Variants in LOC128462377 observed in about 807,000 individuals in gnomAD.
At chr16:89,374,423 G>A in the LOC128462377 span, among the ~76,000 whole-genome samples, 5 of 151,950 alleles carry the variant, frequency 3.3e-5, no homozygotes, top group African/African-American at 9.7e-5. Context: ...AGAGCTGAAC[G>A]ATACAACAGG....
At chr16:89,320,177 G>A in the LOC128462377 span, 2 of 152,268 alleles carry the variant, frequency 1.3e-5, no homozygotes, top group African/African-American at 2.4e-5. Flanking sequence ...AGTCCTTGAA[G>A]CTGGGAGTCC....
At chr16:89,402,264 A>C in the LOC128462377 span, among the ~76,000 whole-genome samples, 302 of 152,330 alleles carry the variant, frequency 2.0e-3, 4 homozygotes, top group African/African-American at 6.7e-3. Context: ...CACGTGACGT[A>C]CGCCAGTTCT....
the LOC128462377 span, among the ~76,000 whole-genome samples, chr16:89,348,937 C>T: frequency 6.7e-6 from 1 of 149,262 alleles, no homozygotes; most frequent in Non-Finnish European, 1.5e-5. Context: ...AGACCAGCCT[C>T]GTCAACATGG....
the LOC128462377 span, among the ~76,000 whole-genome samples, chr16:89,355,206 A>G: frequency 6.6e-6 from 1 of 152,008 alleles, no homozygotes; most frequent in Non-Finnish European, 1.5e-5. Flanking sequence ...GATGCTCGGG[A>G]GGCGGGCAGA....
the LOC128462377 span, chr16:89,412,338 A>G: frequency 2.5e-5 from 3 of 119,708 alleles, no homozygotes; most frequent in Non-Finnish European, 5.3e-5. Context: ...CCCCTCAGCC[A>G]GGTACTGGGC....
At chr16:89,322,426 A>C in the LOC128462377 span, among the ~76,000 whole-genome samples, 4 of 152,222 alleles carry the variant, frequency 2.6e-5, no homozygotes, top group Admixed American at 2.6e-4. Context: ...TGACCATTTA[A>C]ATATCGAATG....
At chr16:89,376,086 GT>G in the LOC128462377 span, among the ~76,000 whole-genome samples, 1 of 152,204 alleles carries the variant, frequency 6.6e-6, no homozygotes, top group East Asian at 1.9e-4. Context: ...AAATTTTTTT[GT>G]GAAATACCTT....
the LOC128462377 span, among the ~76,000 whole-genome samples, chr16:89,382,125 A>T: frequency 6.6e-6 from 1 of 152,118 alleles, no homozygotes; most frequent in African/African-American, 2.4e-5. Context: ...GCCTCCCAGC[A>T]GCTGGGCACA....
chr16:89,371,527 G>A, the LOC128462377 span, among the ~76,000 whole-genome samples: 1 of 152,178 alleles, frequency 6.6e-6, no homozygotes, highest in African/African-American at 2.4e-5. Context: ...ACCCACAGAT[G>A]AGTTCTCTCA....
At chr16:89,353,612 G>C in the LOC128462377 span, among the ~76,000 whole-genome samples, 128 of 152,080 alleles carry the variant, frequency 8.4e-4, no homozygotes, top group Middle Eastern at 3.4e-3. Flanking sequence ...CTAGTAGCTG[G>C]GATTACAGGC....
At chr16:89,389,746 TGG>T in the LOC128462377 span, among the ~76,000 whole-genome samples, 39 of 148,332 alleles carry the variant, frequency 2.6e-4, no homozygotes, top group Non-Finnish European at 4.7e-4. Flanking sequence ...ACACCGAGTG[TGG>T]CGGGGAGCAC....
At chr16:89,417,265 G>A in the LOC128462377 span, among the ~76,000 whole-genome samples, 27 of 152,324 alleles carry the variant, frequency 1.8e-4, no homozygotes, top group Middle Eastern at 3.4e-3. Context: ...GTTCTTTCAC[G>A]TTTGCTGGGA....
the LOC128462377 span, among the ~76,000 whole-genome samples, chr16:89,388,376 C>T: frequency 2.1e-5 from 3 of 144,498 alleles, no homozygotes; most frequent in Non-Finnish European, 3.0e-5. Context: ...GTGATCTGCC[C>T]GCCTTGGCCT....
the LOC128462377 span, among the ~76,000 whole-genome samples, chr16:89,397,305 T>G: frequency 6.6e-6 from 1 of 152,210 alleles, no homozygotes; most frequent in Non-Finnish European, 1.5e-5. Context: ...GGGCAAGGCC[T>G]CTCACAAGTC....
the LOC128462377 span, among the ~76,000 whole-genome samples, chr16:89,327,081 T>TGGAAATACAGAGGTG: frequency 7.0e-6 from 1 of 142,192 alleles, no homozygotes; most frequent in South Asian, 2.3e-4. Context: ...ATGCAGAGGT[T>TGGAAATACAGAGGTG]GGAAATGCAG....
the LOC128462377 span, among the ~76,000 whole-genome samples, chr16:89,317,554 A>T: frequency 6.6e-6 from 1 of 152,268 alleles, no homozygotes; most frequent in South Asian, 2.1e-4. Context: ...ACCACCTGGG[A>T]AGGAGCTCCT....
the LOC128462377 span, among the ~76,000 whole-genome samples, chr16:89,362,328 G>A: frequency 1.3e-5 from 2 of 152,164 alleles, no homozygotes; most frequent in African/African-American, 4.8e-5. Context: ...GAAACCTCAC[G>A]ACACCTTGCA....
chr16:89,339,234 G>T, the LOC128462377 span, among the ~76,000 whole-genome samples: 22 of 152,218 alleles, frequency 1.4e-4, no homozygotes, highest in African/African-American at 5.3e-4. Context: ...TGAAGGTGAA[G>T]TTTTGCTGTT....
chr16:89,384,297 G>A, the LOC128462377 span, among the ~76,000 whole-genome samples: 2 of 152,206 alleles, frequency 1.3e-5, no homozygotes, highest in African/African-American at 4.8e-5. Flanking sequence ...TTGGGAGACC[G>A]AGTTGGGTGG....
Sources: allele counts gnomAD v4.1 joint callset (sites outside exome capture counted in the v4.1 genomes callset), GRCh38; gene constraint gnomAD v4.1.1; transcripts MANE v1.5.